MYO3A: variants seen among roughly 807,000 people sequenced by gnomAD.
MYO3A encodes the protein myosin-IIIa.
Under a neutral mutation model 192.7 loss-of-function variants are expected in MYO3A, and 180 were observed. The observed-to-expected ratio is 0.93, with a 90% confidence interval of 0.83 to 1.06. The LOEUF (loss-of-function observed/expected upper bound fraction) is 1.06. Ranked by LOEUF, MYO3A falls within the 50% of genes least tolerant of loss-of-function variation. The pLI is 0.00. For synonymous variants in MYO3A, 628 were observed against 645.3 expected (o/e 0.97, Z 0.41); for missense variants, 1,896 against 1,905.0 (o/e 1.00, Z 0.09).
intron 4 of MYO3A, among the ~76,000 whole-genome samples, chr10:25,988,577 C>T (rs1167915045): frequency 6.6e-6 from 1 of 152,064 alleles, no homozygotes; most frequent in Non-Finnish European, 1.5e-5. Flanking sequence ...GCAGTTTCCT[C>T]TCTTTGTACT....
intron 15 of MYO3A, among the ~76,000 whole-genome samples, chr10:26,095,193 C>T (rs981972597): frequency 7.2e-5 from 11 of 152,092 alleles, no homozygotes; most frequent in African/African-American, 2.7e-4. Context: ...GCATCCAAAG[C>T]TTTGTGGTGG....
Position 26,097,711 on chromosome 10 carries a change from T to C in MYO3A, c.1776+1029T>C, listed in dbSNP as rs141066851. ...TTCATCCTTGTCCCTACAAAGTACA[T>C]GAACTCATCCTTTTTTATGGCTGCA... On this transcript the variant is annotated intron_variant, in intron 17 of 34. Transcript: ENST00000642920. 4.1e-3 allele frequency among the ~76,000 whole-genome samples: 626 copies of C among 152,340 alleles called. 3 individuals carry two copies. Among genetic ancestry groups the C allele is most frequent in the African/African-American group, 0.014 (596 of 41,582 alleles).
At chr10:26,050,877 A>C (rs1843956303) in intron 10 of MYO3A, among the ~76,000 whole-genome samples, 1 of 152,240 alleles carries the variant, frequency 6.6e-6, no homozygotes, top group South Asian at 2.1e-4. Flanking sequence ...TAACAGACTT[A>C]ATGAAGTTAC....
chr10:26,054,611 G>T (rs1417680480), intron 10 of MYO3A, among the ~76,000 whole-genome samples: 1 of 152,202 alleles, frequency 6.6e-6, no homozygotes, highest in Non-Finnish European at 1.5e-5. Flanking sequence ...CAAGGATCTG[G>T]AGAAGGGGAA....
intron 6 of MYO3A, 139 bp downstream of exon 6, chr10:25,997,397 G>A (rs1182334168): frequency 2.8e-6 from 2 of 715,538 alleles, no homozygotes; most frequent in Non-Finnish European, 4.9e-6. Flanking sequence ...GGTAAGAAGT[G>A]CAGAGATAAT....
intron 2 of MYO3A, among the ~76,000 whole-genome samples, chr10:25,947,578 A>T (rs1478896157): frequency 1.3e-5 from 2 of 151,694 alleles, no homozygotes; most frequent in East Asian, 3.9e-4. Flanking sequence ...TTTTTAGTAG[A>T]GACAGGGTTT....
At chr10:25,956,136 T>C (rs1353601581) in intron 4 of MYO3A, among the ~76,000 whole-genome samples, 2 of 152,134 alleles carry the variant, frequency 1.3e-5, no homozygotes, top group African/African-American at 2.4e-5. Context: ...GTCTTTTTAA[T>C]AAGGATCTTA....
intron 10 of MYO3A, among the ~76,000 whole-genome samples, chr10:26,064,039 G>A (rs1588886696): frequency 2.0e-5 from 3 of 152,130 alleles, no homozygotes; most frequent in African/African-American, 7.2e-5. Context: ...ATCTAGATTG[G>A]CATTATATTA....
At chr10:26,086,630 A>T (rs1836335262) in intron 14 of MYO3A, among the ~76,000 whole-genome samples, 1 of 152,134 alleles carries the variant, frequency 6.6e-6, no homozygotes. Context: ...AGACCTAAAA[A>T]AAAAAGGTGG....
At position 26,011,775 on chromosome 10, in the gene MYO3A, A is replaced by C. The variant is rs558678519; in HGVS notation, c.509-5045A>C. 5.9e-5 allele frequency among the ~76,000 whole-genome samples: 9 copies of C among 152,322 alleles called. No homozygotes were observed. The South Asian group carries it at 1.9e-3, about 32-fold the overall frequency. On this transcript the variant is annotated intron_variant, in intron 6 of 34. Coordinates refer to ENST00000642920, the MANE Select transcript of MYO3A (RefSeq NM_017433.5). Reference sequence around the variant, plus strand: ...TAAATCATTCTATGAAGCTAGTATCACCCTGATACCAAAAGCTGGAAAGGA... The same window carrying C: ...TAAATCATTCTATGAAGCTAGTATCCCCCTGATACCAAAAGCTGGAAAGGA...
chr10:26,057,685 C>T (rs537011732), intron 10 of MYO3A, among the ~76,000 whole-genome samples: 1 of 152,208 alleles, frequency 6.6e-6, no homozygotes, highest in East Asian at 1.9e-4. Context: ...GTTTTGTGAC[C>T]ACAAATAAGC....
At chr10:26,070,018 C>A (rs568681323) in intron 12 of MYO3A, 93 bp from the exon 13 acceptor site, 93 of 877,996 alleles carry the variant, frequency 1.1e-4, no homozygotes, top group Non-Finnish European at 1.5e-4. Context: ...TTTATTTATA[C>A]TTTGCTTTAA....
At chr10:26,110,923 T>G (rs1052410909) in intron 17 of MYO3A, among the ~76,000 whole-genome samples, 1 of 150,598 alleles carries the variant, frequency 6.6e-6, no homozygotes, top group African/African-American at 2.4e-5. Flanking sequence ...CAGGCTGGAG[T>G]GCAGTAGTAC....
At chr10:26,176,082 C>G (rs1370595029) in intron 30 of MYO3A, among the ~76,000 whole-genome samples, 2 of 152,126 alleles carry the variant, frequency 1.3e-5, no homozygotes, top group Non-Finnish European at 1.5e-5. Flanking sequence ...ATCACGAGGT[C>G]AGGAGATCGA....
intron 34 of MYO3A, among the ~76,000 whole-genome samples, chr10:26,205,479 T>TTGG (rs1554846908): frequency 7.5e-6 from 1 of 133,310 alleles, no homozygotes; most frequent in African/African-American, 3.2e-5. Flanking sequence ...TTTTTTTTTT[T>TTGG]GGGGGGGGGC....
intron 6 of MYO3A, among the ~76,000 whole-genome samples, chr10:26,009,774 T>C (rs1473998252): frequency 6.6e-6 from 1 of 152,246 alleles, no homozygotes; most frequent in African/African-American, 2.4e-5. Context: ...GTCCTTCTCA[T>C]TGTAAAACAA....
intron 32 of MYO3A, among the ~76,000 whole-genome samples, chr10:26,198,807 T>A (rs1230834723): frequency 6.6e-6 from 1 of 152,198 alleles, no homozygotes; most frequent in African/African-American, 2.4e-5. Context: ...ACGTGAGTCA[T>A]GTTTGTCTCC....
chr10:25,990,768 T>A (rs542939714), intron 4 of MYO3A, among the ~76,000 whole-genome samples: 1 of 151,188 alleles, frequency 6.6e-6, no homozygotes, highest in African/African-American at 2.4e-5. Context: ...GATGTTTGGT[T>A]TTTTGTCCTT....
chr10:25,942,851 A>G (rs1315771530), intron 2 of MYO3A, among the ~76,000 whole-genome samples: 1 of 151,550 alleles, frequency 6.6e-6, no homozygotes, highest in Non-Finnish European at 1.5e-5. Context: ...TTTATCAGAT[A>G]TATGATTTGC....
Sources: allele counts gnomAD v4.1 joint callset (sites outside exome capture counted in the v4.1 genomes callset), GRCh38; gene constraint gnomAD v4.1.1; transcripts MANE v1.5; gene names NCBI Gene and HGNC (gene_info 2026-07-23, HGNC 2026-07-21).